The following PPP3CA variants were observed in gnomAD, a reference collection of about 807,000 sequenced individuals.
PPP3CA encodes the protein protein phosphatase 3 catalytic subunit alpha, also known as CAM-PRP catalytic subunit.
A neutral mutation model predicts 66.5 loss-of-function variants in PPP3CA; 14 were observed. That is an observed-to-expected ratio of 0.21 (90% CI 0.14 to 0.33). The LOEUF is 0.33. PPP3CA is among the 10% of genes least tolerant of loss of function. The probability of loss-of-function intolerance (pLI) is 1.00; values close to 1 mark genes in which losing one functional copy is unlikely to be tolerated. For synonymous variants in PPP3CA, 232 were observed against 226.2 expected (o/e 1.03, Z -0.23); for missense variants, 317 against 639.5 (o/e 0.50, Z 5.44).
At chr4:101,160,394 G>A (rs767176869) in intron 2 of PPP3CA, among the ~76,000 whole-genome samples, 15 of 152,074 alleles carry the variant, frequency 9.9e-5, no homozygotes, top group Non-Finnish European at 1.3e-4. Context: ...AATGACCAAC[G>A]TGATTTCTTT....
chr4:101,246,665 A>T (rs1726489160), intron 1 of PPP3CA, among the ~76,000 whole-genome samples: 1 of 152,190 alleles, frequency 6.6e-6, no homozygotes. Context: ...GAATTAAATC[A>T]GTATAGACAT....
intron 10 of PPP3CA, among the ~76,000 whole-genome samples, chr4:101,056,135 C>T (rs1021040184): frequency 1.3e-5 from 2 of 152,114 alleles, no homozygotes; most frequent in East Asian, 1.9e-4. Flanking sequence ...TTGCACTTTA[C>T]TAGCTGGATG....
chr4:101,061,686 T>C (rs1728467714), intron 9 of PPP3CA, among the ~76,000 whole-genome samples: 1 of 152,074 alleles, frequency 6.6e-6, no homozygotes, highest in African/African-American at 2.4e-5. Context: ...TAAAAATGTA[T>C]TGACAGAAAT....
At chr4:101,261,784 C>T (rs527872293) in intron 1 of PPP3CA, among the ~76,000 whole-genome samples, 2 of 152,046 alleles carry the variant, frequency 1.3e-5, no homozygotes, top group African/African-American at 2.4e-5. Flanking sequence ...CATGAGTTTT[C>T]TCACACATTC....
At chr4:101,129,051 G>A (rs914165082) in intron 2 of PPP3CA, among the ~76,000 whole-genome samples, 1 of 152,178 alleles carries the variant, frequency 6.6e-6, no homozygotes, top group Non-Finnish European at 1.5e-5. Flanking sequence ...GGACTTTTGA[G>A]CTTGGTGTGG....
intron 1 of PPP3CA, among the ~76,000 whole-genome samples, chr4:101,279,524 A>G (rs1243607472): frequency 1.3e-5 from 2 of 152,222 alleles, no homozygotes; most frequent in Non-Finnish European, 2.9e-5. Context: ...AAGCATTCCC[A>G]TGACTCACAT....
At chr4:101,163,513 G>T (rs1723587678) in intron 2 of PPP3CA, among the ~76,000 whole-genome samples, 1 of 152,118 alleles carries the variant, frequency 6.6e-6, no homozygotes, top group African/African-American at 2.4e-5. Flanking sequence ...AGGCTTTAAT[G>T]AGGACAAGAG....
chr4:101,056,847 A>C (rs2110221852), intron 10 of PPP3CA, among the ~76,000 whole-genome samples: 1 of 152,064 alleles, frequency 6.6e-6, no homozygotes, highest in Admixed American at 6.6e-5. Context: ...AAAAAAAAAA[A>C]AAAAACAACT....
chr4:101,346,979 T>TCCGCCG lies in PPP3CA; in HGVS notation c.-189_-184dup. The TCCGCCG allele has an allele frequency of 1.5e-6, 1 of 646,472 alleles. No homozygotes were observed. Among genetic ancestry groups the TCCGCCG allele is most frequent in the East Asian group, 3.1e-5 (1 of 32,694 alleles). 40.0% of individuals were successfully genotyped at this position (646,472 alleles called of 1,614,324 possible). A position where few individuals can be genotyped will look rare whatever the true frequency, so the allele number is the denominator to read the frequency against. On this transcript the variant is annotated 5_prime_UTR_variant, in exon 1 of 14. Transcript: ENST00000394854. Reference sequence around the variant, plus strand: ...TGCTGCCTTTTCCGCGCGTCCCTCCTCCGCCGCCGCCGCCTTCACTCCTCC... The same window carrying TCCGCCG: ...TGCTGCCTTTTCCGCGCGTCCCTCCTCCGCCGCCGCCGCCGCCGCCTTCACTCCTCC...
At chr4:101,337,731 T>C (rs1477950826) in intron 1 of PPP3CA, among the ~76,000 whole-genome samples, 1 of 152,234 alleles carries the variant, frequency 6.6e-6, no homozygotes, top group African/African-American at 2.4e-5. Context: ...GCTGGCTTTC[T>C]TTAACCAGAA....
intron 1 of PPP3CA, among the ~76,000 whole-genome samples, chr4:101,242,448 T>TCAAA (rs1726341287): frequency 6.6e-6 from 1 of 151,906 alleles, no homozygotes; most frequent in Non-Finnish European, 1.5e-5. Flanking sequence ...ACAGGAAGGG[T>TCAAA]CAAACTCAGG....
At chr4:101,301,782 C>T (rs766518298) in intron 1 of PPP3CA, among the ~76,000 whole-genome samples, 5 of 148,768 alleles carry the variant, frequency 3.4e-5, no homozygotes, top group Non-Finnish European at 7.4e-5. Flanking sequence ...TGAACCACCG[C>T]GTCCAGCTTT....
chr4:101,124,228 C>T (rs1722125291), intron 2 of PPP3CA, among the ~76,000 whole-genome samples: 1 of 152,038 alleles, frequency 6.6e-6, no homozygotes, highest in Non-Finnish European at 1.5e-5. Context: ...GATGACACTG[C>T]TTTCTTATTT....
At chr4:101,147,420 C>G (rs1433144411) in intron 2 of PPP3CA, among the ~76,000 whole-genome samples, 4 of 151,860 alleles carry the variant, frequency 2.6e-5, no homozygotes, top group African/African-American at 9.7e-5. Context: ...CATGTATGAT[C>G]AAAGAATTGA....
At chr4:101,096,583 C>T (rs1457763745) in intron 5 of PPP3CA, among the ~76,000 whole-genome samples, 1 of 152,110 alleles carries the variant, frequency 6.6e-6, no homozygotes, top group Non-Finnish European at 1.5e-5. Flanking sequence ...CACTAATCCC[C>T]CTTTGAAGGA....
At chr4:101,131,633 G>A (rs1263254066) in intron 2 of PPP3CA, among the ~76,000 whole-genome samples, 1 of 152,130 alleles carries the variant, frequency 6.6e-6, no homozygotes, top group Non-Finnish European at 1.5e-5. Context: ...AAGAGACTTA[G>A]ACTCCCACAC....
chr4:101,073,273 T>A (rs1729001640), intron 8 of PPP3CA, among the ~76,000 whole-genome samples: 1 of 150,950 alleles, frequency 6.6e-6, no homozygotes, highest in Admixed American at 6.6e-5. Context: ...TATACACACT[T>A]ACATACTTTT....
intron 1 of PPP3CA, among the ~76,000 whole-genome samples, chr4:101,338,533 A>T (rs1442100549): frequency 6.6e-6 from 1 of 152,230 alleles, no homozygotes; most frequent in Non-Finnish European, 1.5e-5. Flanking sequence ...ACAAAAGTAG[A>T]TAGAACTTCT....
chr4:101,082,045 A>T (rs1324409070), intron 7 of PPP3CA, among the ~76,000 whole-genome samples: 1 of 152,222 alleles, frequency 6.6e-6, no homozygotes, highest in African/African-American at 2.4e-5. Flanking sequence ...CACACATTCA[A>T]GTAAGCCAGT....
Sources: gnomAD v4.1 joint callset for allele counts (sites outside exome capture counted in the v4.1 genomes callset) on GRCh38, gnomAD v4.1.1 for gene constraint, MANE v1.5 for transcripts, NCBI Gene and HGNC (gene_info 2026-07-23, HGNC 2026-07-21) for gene names.